The following THADA variants were observed in gnomAD, a reference collection of about 807,000 sequenced individuals.
The protein encoded by THADA is tRNA (32-2'-O)-methyltransferase regulator THADA.
Under a neutral mutation model 219.8 loss-of-function variants are expected in THADA, and 213 were observed. The observed-to-expected ratio is 0.97, with a 90% CI of 0.87 to 1.09. The LOEUF (loss-of-function observed/expected upper bound fraction) is 1.09, where lower values mean the gene tolerates loss of function less well. Ranked by LOEUF, THADA falls within the 50% of genes least tolerant of loss-of-function variation. The probability of loss-of-function intolerance (pLI) is 0.00; values close to 1 mark genes in which losing one functional copy is unlikely to be tolerated. For missense variants in THADA, 2,956 were observed against 2,311.3 expected, an observed-to-expected ratio of 1.28 and a Z score of -5.72; for synonymous variants, 1,018 against 828.9, an observed-to-expected ratio of 1.23 and a Z score of -3.92.
intron 32 of THADA, 49 bp downstream of exon 32, chr2:43,292,785 A>C: frequency 5.1e-6 from 8 of 1,568,044 alleles, no homozygotes; most frequent in Non-Finnish European, 6.9e-6. Flanking sequence ...GTGGCTCACA[A>C]AAGAATGTGG....
At chr2:43,279,273 C>A (rs541080085) in intron 36 of THADA, among the ~76,000 whole-genome samples, 1 of 152,250 alleles carries the variant, frequency 6.6e-6, no homozygotes, top group South Asian at 2.1e-4. Flanking sequence ...ATGTTATTAT[C>A]AAATGAGCAG....
rs1315997335 is a variant in THADA at position 43,574,818 on chromosome 2, T to G, written c.1247A>C (p.Lys416Thr). 1.9e-6 allele frequency: 3 copies of G among 1,614,034 alleles called. No individual in the cohort carries two copies. The highest frequency in any genetic ancestry group is 2.2e-5 in the South Asian group (2 of 91,088). ...GAGCCGGTGCATTTGGAGAAGGTTT[T>G]TGAACATGATTTTGGTTTGGTGTCT... ...ALRHQTKIMFKNLLQMHRLTV... is the reference protein window; with the variant it reads ...ALRHQTKIMFTNLLQMHRLTV... The change falls in exon 11 of 38, where the codon AAA becomes ACA. Residue 416 changes from lysine (K) to threonine (T), a missense_variant. Transcript: ENST00000405975.
chr2:43,303,615 T>C (rs1676505734), intron 31 of THADA, among the ~76,000 whole-genome samples: 1 of 151,760 alleles, frequency 6.6e-6, no homozygotes, highest in Non-Finnish European at 1.5e-5. Context: ...TTAATCTAAA[T>C]AGCTTTAACA....
In THADA at chr2:43,510,104, T is replaced by C. The variant is rs141481481; in HGVS notation, c.3375-1324A>G. ...AGAGGAAATTTATATACGTACTAGA[T>C]AATAGATAACATCAAGAAATTCTTT... On this transcript the variant is annotated intron_variant, in intron 22 of 37. Coordinates refer to ENST00000405975, the MANE Select transcript of THADA (RefSeq NM_022065.5). Among the ~76,000 whole-genome samples, 177 of 152,316 alleles carry C rather than the reference T, an allele frequency of 1.2e-3. 1 individual carries two copies. The highest frequency in any genetic ancestry group is 0.01 in the Middle Eastern group (3 of 294).
At chr2:43,284,133 C>A (rs576626512) in intron 35 of THADA, among the ~76,000 whole-genome samples, 2 of 152,072 alleles carry the variant, frequency 1.3e-5, no homozygotes, top group Non-Finnish European at 2.9e-5. Flanking sequence ...GAGCCAAGAT[C>A]GTGCCATTGC....
chr2:43,242,161 A>G (rs1048758560), intron 36 of THADA, among the ~76,000 whole-genome samples: 1 of 152,196 alleles, frequency 6.6e-6, no homozygotes, highest in Non-Finnish European at 1.5e-5. Context: ...TGAGGGGGGC[A>G]CTTCATGGCT....
At position 43,515,325 on chromosome 2, in the gene THADA, TA is replaced by T. The variant is rs1691534131; in HGVS notation, c.3375-6546del. On this transcript the variant is annotated intron_variant, in intron 22 of 37. Coordinates refer to ENST00000405975, the MANE Select transcript of THADA (RefSeq NM_022065.5). ...TATGTAATATATAATATTTTATATA[TA>T]ATATATAATATAATATATAATATTT... Among the ~76,000 whole-genome samples the T allele has an allele frequency of 3.6e-5, 2 of 55,964 alleles. 1 individual carries two copies. Among genetic ancestry groups the T allele is most frequent in the Non-Finnish European group, 5.8e-5 (2 of 34,652 alleles). 36.7% of individuals were successfully genotyped at this position (55,964 alleles called of 152,430 possible).
At chr2:43,297,861 C>T (rs1283484006) in intron 31 of THADA, among the ~76,000 whole-genome samples, 1 of 116,332 alleles carries the variant, frequency 8.6e-6, no homozygotes, top group African/African-American at 4.2e-5. Flanking sequence ...GCCGCCCCGT[C>T]CGGGAGGTGA....
At chr2:43,577,662 T>C (rs1444470437) in intron 9 of THADA, among the ~76,000 whole-genome samples, 1 of 152,072 alleles carries the variant, frequency 6.6e-6, no homozygotes, top group African/African-American at 2.4e-5. Context: ...TAAGTTTCCA[T>C]ACAATATAGC....
intron 31 of THADA, among the ~76,000 whole-genome samples, chr2:43,296,675 A>G (rs1215173453): frequency 1.3e-5 from 2 of 152,178 alleles, no homozygotes; most frequent in Non-Finnish European, 2.9e-5. Flanking sequence ...GAATCTCATA[A>G]CAATCTAATA....
At chr2:43,319,245 C>T (rs1479208607) in intron 31 of THADA, among the ~76,000 whole-genome samples, 1 of 152,110 alleles carries the variant, frequency 6.6e-6, no homozygotes, top group Admixed American at 6.5e-5. Flanking sequence ...CCACGGTGAC[C>T]AGTAATTTAT....
At chr2:43,457,295 C>T (rs1313069032) in intron 26 of THADA, among the ~76,000 whole-genome samples, 1 of 152,034 alleles carries the variant, frequency 6.6e-6, no homozygotes, top group Non-Finnish European at 1.5e-5. Context: ...TTGATGTGCC[C>T]ATTCTAGTAG....
intron 25 of THADA, among the ~76,000 whole-genome samples, chr2:43,498,494 G>C (rs1373348904): frequency 6.6e-6 from 1 of 152,140 alleles, no homozygotes; most frequent in African/African-American, 2.4e-5. Flanking sequence ...ATTGGGAGGA[G>C]AGAAACAGAA....
At chr2:43,425,742 T>G (rs1678349691) in intron 28 of THADA, among the ~76,000 whole-genome samples, 1 of 152,120 alleles carries the variant, frequency 6.6e-6, no homozygotes, top group Admixed American at 6.5e-5. Flanking sequence ...GAATCAAGGG[T>G]GGTGCTTCTG....
At chr2:43,464,496 G>C (rs1053041160) in intron 26 of THADA, among the ~76,000 whole-genome samples, 2 of 152,120 alleles carry the variant, frequency 1.3e-5, no homozygotes, top group African/African-American at 4.8e-5. Flanking sequence ...TAGTATCCTT[G>C]GGCCTGGGTT....
intron 22 of THADA, among the ~76,000 whole-genome samples, chr2:43,515,147 ATTT>A (rs371136761): frequency 1.8e-4 from 2 of 11,030 alleles, no homozygotes; most frequent in African/African-American, 5.8e-4. Context: ...TATATAATAT[ATTT>A]TATATATTAT....
intron 36 of THADA, among the ~76,000 whole-genome samples, chr2:43,247,727 CAAAAAAAAAAA>C (rs56687341): frequency 9.4e-5 from 5 of 53,376 alleles, no homozygotes; most frequent in Non-Finnish European, 1.6e-4. Flanking sequence ...GACTCCGTCT[CAAAAAAAAAAA>C]AAAAAAAAAA....
chr2:43,394,086 C>T (rs962300867), intron 29 of THADA, among the ~76,000 whole-genome samples: 7 of 152,162 alleles, frequency 4.6e-5, no homozygotes, highest in Admixed American at 4.6e-4. Context: ...AGTGATGTTC[C>T]CAAATGAGGT....
At chr2:43,526,563 T>C (rs1693193515) in intron 22 of THADA, among the ~76,000 whole-genome samples, 1 of 152,180 alleles carries the variant, frequency 6.6e-6, no homozygotes, top group South Asian at 2.1e-4. Context: ...TATTCCTATA[T>C]GTTTTATAAA....
Sources: gnomAD v4.1 joint callset for allele counts (sites outside exome capture counted in the v4.1 genomes callset) on GRCh38, gnomAD v4.1.1 for gene constraint, MANE v1.5 for transcripts, NCBI Gene and HGNC (gene_info 2026-07-23, HGNC 2026-07-21) for gene names.